Variants in MPPED2 observed in about 807,000 individuals in gnomAD.
MPPED2 encodes the protein metallophosphoesterase MPPED2.
A neutral mutation model predicts 33.0 loss-of-function variants in MPPED2; 5 were observed. The ratio of observed to expected loss-of-function variants is 0.15; its 90% CI spans 0.08 to 0.32. The LOEUF (loss-of-function observed/expected upper bound fraction) is 0.32. MPPED2 is among the 10% of genes least tolerant of loss of function. The probability of loss-of-function intolerance (pLI) is 1.00; values close to 1 mark genes in which losing one functional copy is unlikely to be tolerated. For synonymous variants in MPPED2, 136 were observed against 141.9 expected (o/e 0.96, Z 0.29); for missense variants, 275 against 372.1 (o/e 0.74, Z 2.15).
rs571217398 is a variant in MPPED2 at position 30,566,737 on chromosome 11, A to C, written c.128+13509T>G. Among the ~76,000 whole-genome samples the C allele has an allele frequency of 2.0e-5, 3 of 152,312 alleles. No individual in the cohort carries two copies. The South Asian group carries it at 6.2e-4, about 32-fold the overall frequency. ...GGTGTTGTGAATACAGACAGCAAAA[A>C]ATAAATAAAACGAAAAAGATAAGGT... On this transcript the variant is annotated intron_variant, in intron 2 of 6. Coordinates refer to ENST00000358117, the MANE Select transcript of MPPED2 (RefSeq NM_001584.3).
chr11:30,529,908 C>A (rs751686175), intron 3 of MPPED2, among the ~76,000 whole-genome samples: 3 of 152,162 alleles, frequency 2.0e-5, no homozygotes, highest in Non-Finnish European at 4.4e-5. Flanking sequence ...TTCCTTGAAG[C>A]ATTTTTGTTC....
chr11:30,537,553 T>G (rs566611374), intron 2 of MPPED2, among the ~76,000 whole-genome samples: 1 of 152,242 alleles, frequency 6.6e-6, no homozygotes, highest in South Asian at 2.1e-4. Context: ...GTGAGGGAAA[T>G]AGAAGAGATC....
At chr11:30,461,595 T>C (rs1950520557) in intron 4 of MPPED2, among the ~76,000 whole-genome samples, 1 of 152,110 alleles carries the variant, frequency 6.6e-6, no homozygotes, top group Non-Finnish European at 1.5e-5. Flanking sequence ...CCAAAGACTG[T>C]CAGGCCTGTT....
chr11:30,538,686 C>A (rs1590769273), intron 2 of MPPED2, among the ~76,000 whole-genome samples: 1 of 152,030 alleles, frequency 6.6e-6, no homozygotes, highest in Non-Finnish European at 1.5e-5. Flanking sequence ...TTCTTCTCAG[C>A]TTTGAGTCCA....
chr11:30,534,765 G>A (rs180867396), intron 3 of MPPED2, among the ~76,000 whole-genome samples: 3 of 152,084 alleles, frequency 2.0e-5, no homozygotes, highest in East Asian at 1.9e-4. Flanking sequence ...GAAACAAAAC[G>A]ACATACACAA....
intron 4 of MPPED2, among the ~76,000 whole-genome samples, chr11:30,443,212 G>A (rs1949661727): frequency 6.6e-6 from 1 of 152,258 alleles, no homozygotes; most frequent in South Asian, 2.1e-4. Context: ...CATTTATGAT[G>A]GGAAGATCGT....
intron 4 of MPPED2, among the ~76,000 whole-genome samples, chr11:30,467,879 G>T (rs893191757): frequency 6.6e-6 from 1 of 152,106 alleles, no homozygotes; most frequent in African/African-American, 2.4e-5. Flanking sequence ...GAGGGGGCTG[G>T]TTTTATTCAG....
At chr11:30,516,661 C>T (rs575798587) in intron 3 of MPPED2, among the ~76,000 whole-genome samples, 86 of 152,276 alleles carry the variant, frequency 5.6e-4, no homozygotes, top group African/African-American at 2.1e-3. Context: ...ACATAAGCTA[C>T]TGCATCTTGA....
rs1031960541 is a variant in MPPED2 at position 30,561,339 on chromosome 11, A to G, written c.128+18907T>C. Among the ~76,000 whole-genome samples the G allele has an allele frequency of 3.9e-5, 6 of 152,190 alleles. No individual in the cohort carries two copies. The East Asian group carries it at 5.8e-4, about 15-fold the overall frequency. The stretch of plus-strand genomic sequence containing the variant: ...ATCATCACCAAAAACTAGAGCTTTT[A>G]TTAGATAATTTCCTCATTATGAAGT... On this transcript the variant is annotated intron_variant, in intron 2 of 6. Coordinates refer to ENST00000358117, the MANE Select transcript of MPPED2 (RefSeq NM_001584.3).
intron 2 of MPPED2, among the ~76,000 whole-genome samples, chr11:30,557,267 C>A (rs2134681655): frequency 7.1e-6 from 1 of 140,388 alleles, no homozygotes; most frequent in East Asian, 1.9e-4. Flanking sequence ...TTTGCTATTT[C>A]ATTTATAAGG....
chr11:30,440,525 A>C, intron 4 of MPPED2, among the ~76,000 whole-genome samples: 1 of 152,150 alleles, frequency 6.6e-6, no homozygotes, highest in South Asian at 2.1e-4. Flanking sequence ...TGGACTCTGG[A>C]GCACTGAATG....
chr11:30,426,784 C>T (rs1221627005), intron 4 of MPPED2, among the ~76,000 whole-genome samples: 2 of 152,224 alleles, frequency 1.3e-5, no homozygotes, highest in Non-Finnish European at 2.9e-5. Context: ...ATTAATCCAG[C>T]AGTTCCAAAT....
chr11:30,387,039 G>A (rs923040707), exon 7 of MPPED2: 3 of 349,300 alleles, frequency 8.6e-6, no homozygotes, highest in African/African-American at 6.3e-5. Context: ...CTGAACCTGG[G>A]AGCATCTAAC....
At chr11:30,501,598 G>A (rs4923641) in intron 3 of MPPED2, 330,446 of 965,856 alleles carry the variant, frequency 0.34, 59,341 homozygotes, top group East Asian at 0.43. Flanking sequence ...ATTCATGAAT[G>A]ATTAGTATAA....
At chr11:30,544,596 C>G (rs544707159) in intron 2 of MPPED2, among the ~76,000 whole-genome samples, 54 of 150,346 alleles carry the variant, frequency 3.6e-4, no homozygotes, top group African/African-American at 1.3e-3. Flanking sequence ...TTATTGAGCA[C>G]CTTTTATGGG....
chr11:30,430,254 T>C (rs752096355), intron 4 of MPPED2, among the ~76,000 whole-genome samples: 13 of 152,178 alleles, frequency 8.5e-5, no homozygotes, highest in Non-Finnish European at 1.8e-4. Context: ...ATGATAGCCG[T>C]ATTTACTGAG....
Position 30,451,638 on chromosome 11 carries a change from A to C in MPPED2, c.537-34005T>G, listed in dbSNP as rs76377788. The C allele has an allele frequency of 9.3e-3, 8,463 of 909,564 alleles. 59 individuals are homozygous for C. Among genetic ancestry groups the C allele is most frequent in the Non-Finnish European group, 0.01 (7,907 of 761,038 alleles). The allele number at this position is 909,564 out of a possible 1,614,324, so 56.3% of individuals were successfully genotyped here. A position where few individuals can be genotyped will look rare whatever the true frequency, so the allele number is the denominator to read the frequency against. ...CATGGGAGACGTTATTTTAATGATA[A>C]AAGAAGCCTGTATTTCAAATGTTCA... On this transcript the variant is annotated intron_variant, in intron 4 of 6. Coordinates refer to ENST00000358117, the MANE Select transcript of MPPED2 (RefSeq NM_001584.3).
At chr11:30,570,653 G>A (rs947949814) in intron 2 of MPPED2, among the ~76,000 whole-genome samples, 1 of 152,174 alleles carries the variant, frequency 6.6e-6, no homozygotes, top group Non-Finnish European at 1.5e-5. Context: ...TGTCATAGAA[G>A]AAGGCTAACT....
At chr11:30,414,899 T>C (rs1948275036) in intron 5 of MPPED2, among the ~76,000 whole-genome samples, 1 of 152,178 alleles carries the variant, frequency 6.6e-6, no homozygotes. Context: ...CAGGCAAAAA[T>C]GTGACCTCAC....
Sources: gnomAD v4.1 joint callset for allele counts (sites outside exome capture counted in the v4.1 genomes callset) on GRCh38, gnomAD v4.1.1 for gene constraint, MANE v1.5 for transcripts, NCBI Gene and HGNC (gene_info 2026-07-23, HGNC 2026-07-21) for gene names.